Variants in CNTNAP2 observed in about 807,000 individuals in gnomAD.
CNTNAP2 encodes contactin associated protein 2, also known as contactin-associated protein-like 2.
In CNTNAP2, 98 loss-of-function variants were observed where a neutral mutation model predicts 155.2. The observed-to-expected ratio is 0.63, with a 90% CI of 0.54 to 0.75. The LOEUF is 0.75. CNTNAP2 is among the 30% of genes least tolerant of loss of function. CNTNAP2 has a pLI of 0.00. For missense variants in CNTNAP2, 1,727 were observed against 1,688.1 expected (o/e 1.02, Z -0.40); for synonymous variants, 651 against 631.2 (o/e 1.03, Z -0.47).
chr7:146,341,998 T>G (rs1000599759), intron 1 of CNTNAP2, among the ~76,000 whole-genome samples: 1 of 152,162 alleles, frequency 6.6e-6, no homozygotes, highest in Non-Finnish European at 1.5e-5. Flanking sequence ...CACATTGAAT[T>G]TTATTGATTG....
At chr7:147,238,145 G>T (rs1244073009) in intron 8 of CNTNAP2, among the ~76,000 whole-genome samples, 2 of 152,274 alleles carry the variant, frequency 1.3e-5, no homozygotes, top group East Asian at 3.9e-4. Flanking sequence ...CTCCCGAGTA[G>T]CTGGGACTAC....
At chr7:147,773,216 A>G (rs1797502651) in intron 13 of CNTNAP2, among the ~76,000 whole-genome samples, 1 of 152,196 alleles carries the variant, frequency 6.6e-6, no homozygotes, top group Non-Finnish European at 1.5e-5. Flanking sequence ...AATGTTCAGT[A>G]TTTTTTTAAT....
rs187606265 is a variant in CNTNAP2 at position 146,706,233 on chromosome 7, G to A, written c.98-68038G>A. On this transcript the variant is annotated intron_variant, in intron 1 of 23. Transcript: ENST00000361727. ...ACCTTTTTCTCTACCATTGTGTTTC[G>A]TGTGTTCTCATGGATTCTCATTGGT... 1.2e-3 allele frequency among the ~76,000 whole-genome samples: 179 copies of A among 152,268 alleles called. 1 individual carries two copies. The highest frequency in any genetic ancestry group is 3.8e-3 in the Admixed American group (58 of 15,270).
chr7:146,307,363 A>T (rs1010272297), intron 1 of CNTNAP2, among the ~76,000 whole-genome samples: 21 of 152,208 alleles, frequency 1.4e-4, no homozygotes, highest in Non-Finnish European at 2.4e-4. Flanking sequence ...TTCCATGCTC[A>T]TGGATAGGAA....
chr7:146,532,227 C>CT (rs1350872182), intron 1 of CNTNAP2, among the ~76,000 whole-genome samples: 3 of 151,916 alleles, frequency 2.0e-5, no homozygotes, highest in African/African-American at 7.3e-5. Flanking sequence ...GTAATTTAGG[C>CT]TTTTTTTGCA....
chr7:146,172,380 T>G (rs1233937002), intron 1 of CNTNAP2, among the ~76,000 whole-genome samples: 1 of 152,048 alleles, frequency 6.6e-6, no homozygotes, highest in African/African-American at 2.4e-5. Context: ...GCACAGAATT[T>G]TCCAGCCCAG....
chr7:146,605,046 C>T (rs900369829), intron 1 of CNTNAP2, among the ~76,000 whole-genome samples: 1 of 137,294 alleles, frequency 7.3e-6, no homozygotes, highest in East Asian at 2.2e-4. Context: ...GCACAATGTG[C>T]ACATGTACCC....
At chr7:146,716,871 C>T (rs1192396118) in intron 1 of CNTNAP2, among the ~76,000 whole-genome samples, 1 of 152,156 alleles carries the variant, frequency 6.6e-6, no homozygotes, top group African/African-American at 2.4e-5. Flanking sequence ...GGTCATACCT[C>T]TATTATGCAG....
At chr7:146,817,141 G>A (rs946405719) in intron 2 of CNTNAP2, among the ~76,000 whole-genome samples, 1 of 152,050 alleles carries the variant, frequency 6.6e-6, no homozygotes, top group Non-Finnish European at 1.5e-5. Context: ...CATAAACAGT[G>A]TCAAATACTG....
intron 1 of CNTNAP2, among the ~76,000 whole-genome samples, chr7:146,125,750 G>T (rs1439609871): frequency 2.6e-5 from 4 of 151,958 alleles, no homozygotes; most frequent in Non-Finnish European, 1.5e-5. Context: ...TACTGAGGGG[G>T]TTATTTTTGT....
At chr7:147,041,535 C>T (rs1352416138) in intron 3 of CNTNAP2, among the ~76,000 whole-genome samples, 2 of 152,174 alleles carry the variant, frequency 1.3e-5, no homozygotes, top group Non-Finnish European at 2.9e-5. Context: ...TCAAACACCA[C>T]TCTGTCCTTC....
intron 13 of CNTNAP2, among the ~76,000 whole-genome samples, chr7:147,876,922 T>C (rs1308382939): frequency 6.6e-6 from 1 of 151,968 alleles, no homozygotes. Context: ...GAGGATATTA[T>C]AGGATTGGGG....
chr7:146,426,404 TATATAC>T (rs1161073344), intron 1 of CNTNAP2, among the ~76,000 whole-genome samples: 110 of 137,476 alleles, frequency 8.0e-4, no homozygotes, highest in African/African-American at 3.3e-3. Context: ...TATATATATA[TATATAC>T]ACACACACAC....
At chr7:146,265,684 T>C (rs1389938761) in intron 1 of CNTNAP2, among the ~76,000 whole-genome samples, 1 of 152,126 alleles carries the variant, frequency 6.6e-6, no homozygotes, top group Non-Finnish European at 1.5e-5. Flanking sequence ...GATCTCAAAC[T>C]CTTGAGCTTA....
intron 1 of CNTNAP2, among the ~76,000 whole-genome samples, chr7:146,358,166 C>G (rs547173192): frequency 6.6e-6 from 1 of 152,246 alleles, no homozygotes; most frequent in South Asian, 2.1e-4. Flanking sequence ...TCCCGAGTAG[C>G]TGGGAGTACA....
At chr7:146,873,868 G>A (rs9640485) in intron 3 of CNTNAP2, among the ~76,000 whole-genome samples, 103,435 of 151,878 alleles carry the variant, frequency 0.68, 35,564 homozygotes, top group Admixed American at 0.75. Flanking sequence ...GGAGGTGGAG[G>A]ATCTTCTTTT....
At chr7:146,296,966 G>A (rs945709948) in intron 1 of CNTNAP2, among the ~76,000 whole-genome samples, 3 of 152,006 alleles carry the variant, frequency 2.0e-5, no homozygotes, top group Non-Finnish European at 4.4e-5. Context: ...ATCTGTGTGT[G>A]TGTGTGTGTG....
At chr7:146,966,917 C>T (rs34707277) in intron 3 of CNTNAP2, among the ~76,000 whole-genome samples, 3,374 of 152,224 alleles carry the variant, frequency 0.022, 50 homozygotes, top group Non-Finnish European at 0.032. Flanking sequence ...GATCACACAA[C>T]GCATGGTAGC....
chr7:146,979,486 AT>A (rs1376961082), intron 3 of CNTNAP2, among the ~76,000 whole-genome samples: 4 of 152,152 alleles, frequency 2.6e-5, no homozygotes, highest in Non-Finnish European at 5.9e-5. Flanking sequence ...CCACAATTAC[AT>A]TTCATTCCAT....
Sources: gnomAD v4.1 joint callset for allele counts (sites outside exome capture counted in the v4.1 genomes callset) on GRCh38, gnomAD v4.1.1 for gene constraint, MANE v1.5 for transcripts, NCBI Gene and HGNC (gene_info 2026-07-23, HGNC 2026-07-21) for gene names.